EXD3: variants seen among roughly 807,000 people sequenced by gnomAD.
EXD3 encodes the protein exonuclease 3'-5' domain containing 3, also known as exonuclease mut-7 homolog.
In EXD3, 92 loss-of-function variants were observed where a neutral mutation model predicts 98.0. The observed-to-expected ratio is 0.94, with a 90% CI of 0.79 to 1.12. EXD3 has a LOEUF of 1.12. Among genes scored for constraint, EXD3 ranks in the 50% most tolerant of loss-of-function variants. The pLI is 0.00. For missense variants in EXD3, 1,222 were observed against 1,191.6 expected (o/e 1.03, Z -0.38); for synonymous variants, 569 against 526.0 (o/e 1.08, Z -1.12).
At chr9:137,350,988 C>T (rs762794466) in intron 14 of EXD3, 50 bp downstream of exon 14, 68 of 1,507,366 alleles carry the variant, frequency 4.5e-5, no homozygotes, top group Non-Finnish European at 5.7e-5. Context: ...AAGCAGCCCT[C>T]GAACCCCAGG....
intron 1 of EXD3, among the ~76,000 whole-genome samples, chr9:137,397,001 C>T (rs1210244031): frequency 2.0e-5 from 3 of 152,230 alleles, no homozygotes; most frequent in Non-Finnish European, 4.4e-5. Context: ...CACACACCTG[C>T]AGGAGGGGCT....
intron 2 of EXD3, among the ~76,000 whole-genome samples, chr9:137,388,351 G>A (rs529281607): frequency 1.5e-4 from 23 of 152,212 alleles, no homozygotes; most frequent in Admixed American, 1.0e-3. Context: ...CGCGCCGGCC[G>A]ACGGGAGGAC....
intron 1 of EXD3, among the ~76,000 whole-genome samples, chr9:137,413,024 C>T (rs540437022): frequency 1.3e-5 from 2 of 152,278 alleles, no homozygotes; most frequent in African/African-American, 4.8e-5. Context: ...CTCGGTAATC[C>T]TCCTGCCTCA....
chr9:137,378,861 G>T (rs1306129621), intron 3 of EXD3, among the ~76,000 whole-genome samples: 1 of 151,564 alleles, frequency 6.6e-6, no homozygotes, highest in Non-Finnish European at 1.5e-5. Flanking sequence ...GGGCGTCTGT[G>T]TGAGGGGTAC....
intron 2 of EXD3, among the ~76,000 whole-genome samples, chr9:137,386,329 A>T (rs1446775471): frequency 6.6e-6 from 1 of 152,024 alleles, no homozygotes; most frequent in Non-Finnish European, 1.5e-5. Flanking sequence ...TGTCCTTATT[A>T]TTCTTTTTAA....
At chr9:137,316,778 C>T (rs1055928497) in intron 19 of EXD3, among the ~76,000 whole-genome samples, 1 of 152,104 alleles carries the variant, frequency 6.6e-6, no homozygotes, top group Non-Finnish European at 1.5e-5. Context: ...GAGGAGGCCG[C>T]GGTGGGAGCC....
Position 137,351,046 on chromosome 9 carries a change from G to T in EXD3, c.1486C>A (p.His496Asn). 6.4e-7 allele frequency: 1 copy of T among 1,561,938 alleles called. No homozygotes were observed. Among genetic ancestry groups the T allele is most frequent in the Non-Finnish European group, 8.7e-7 (1 of 1,153,946 alleles). Residue 496 changes from histidine to asparagine, a missense_variant, in exon 14 of 22, where the codon CAC becomes AAC. Physicochemically the swap from His to Asn is moderately conservative, Grantham distance 68. Transcript: ENST00000340951. ...ILGGMDLLLV[H>N]RQMRVASVPA... ...GCTCAGTGGGTGCCCACCTGTCTGTGCACCAGCAGCAGGTCCATGCCGCCC... is the reference window on the plus strand; with the variant it reads ...GCTCAGTGGGTGCCCACCTGTCTGTTCACCAGCAGCAGGTCCATGCCGCCC...
chr9:137,353,334 C>G (rs1460469488), intron 10 of EXD3: 20 of 985,422 alleles, frequency 2.0e-5, no homozygotes, highest in Non-Finnish European at 2.3e-5. Context: ...CATCTGCCCC[C>G]ACCCCGGGTC....
chr9:137,383,551 C>T (rs567429968), intron 2 of EXD3, among the ~76,000 whole-genome samples, 174 bp from the exon 3 acceptor site: 14 of 152,320 alleles, frequency 9.2e-5, no homozygotes, highest in Middle Eastern at 3.4e-3. Context: ...CTGCCAGCTG[C>T]GGCAGCACCC....
At chr9:137,355,492 T>TGGAGGAAGGAGGAAGGAGGAAGGAGGAA (rs1834624058) in intron 8 of EXD3, among the ~76,000 whole-genome samples, 1 of 30,780 alleles carries the variant, frequency 3.2e-5, no homozygotes, top group Non-Finnish European at 6.7e-5. Context: ...GGAAGGAGGA[T>TGGAGGAAGGAGGAAGGAGGAAGGAGGAA]GGAGGAAGGA....
intron 17 of EXD3, among the ~76,000 whole-genome samples, chr9:137,344,019 G>A (rs1348151881): frequency 6.8e-6 from 1 of 147,342 alleles, no homozygotes; most frequent in East Asian, 2.0e-4. Context: ...AGTCTCCCAA[G>A]TAGCTGGGAC....
intron 2 of EXD3, among the ~76,000 whole-genome samples, chr9:137,387,169 G>A (rs868100394): frequency 8.3e-6 from 1 of 120,896 alleles, no homozygotes; most frequent in African/African-American, 4.3e-5. Flanking sequence ...CCCGCTCCCT[G>A]CCTGGCCCCC....
intron 5 of EXD3, among the ~76,000 whole-genome samples, chr9:137,369,918 C>T (rs1332557784): frequency 6.6e-6 from 1 of 152,270 alleles, no homozygotes; most frequent in Non-Finnish European, 1.5e-5. Flanking sequence ...CACCCGGGGC[C>T]TCTTGAGGCC....
chr9:137,355,495 AG>A (rs1834625307), intron 8 of EXD3, among the ~76,000 whole-genome samples: 2 of 68,290 alleles, frequency 2.9e-5, no homozygotes, highest in African/African-American at 6.0e-5. Flanking sequence ...AGGAGGATGG[AG>A]GAAGGAGGAA....
intron 5 of EXD3, among the ~76,000 whole-genome samples, chr9:137,370,409 G>A (rs916497544): frequency 1.3e-5 from 2 of 152,074 alleles, no homozygotes. Context: ...CCCCGTGGGA[G>A]GAACGAGCCC....
chr9:137,369,953 C>A (rs981796020), intron 5 of EXD3, among the ~76,000 whole-genome samples: 1 of 152,226 alleles, frequency 6.6e-6, no homozygotes, highest in Non-Finnish European at 1.5e-5. Flanking sequence ...GACATGCAGG[C>A]GTCCTGGGGC....
chr9:137,409,439 C>T (rs531519456), intron 1 of EXD3, among the ~76,000 whole-genome samples: 4 of 152,314 alleles, frequency 2.6e-5, no homozygotes, highest in East Asian at 3.9e-4. Flanking sequence ...AAAACTGGCC[C>T]GGCGTGGTGG....
intron 3 of EXD3, among the ~76,000 whole-genome samples, chr9:137,376,651 C>T (rs949081103): frequency 2.0e-5 from 3 of 152,018 alleles, no homozygotes; most frequent in African/African-American, 7.2e-5. Context: ...CTCTTTTGGC[C>T]GGGGATGGTG....
intron 17 of EXD3, among the ~76,000 whole-genome samples, chr9:137,329,826 A>G (rs867947979): frequency 2.9e-5 from 4 of 139,100 alleles, no homozygotes; most frequent in African/African-American, 2.8e-5. Context: ...ACTACACGGG[A>G]CTACACAGGA....
Sources: gnomAD v4.1 joint callset for allele counts (sites outside exome capture counted in the v4.1 genomes callset) on GRCh38, gnomAD v4.1.1 for gene constraint, MANE v1.5 for transcripts, NCBI Gene and HGNC (gene_info 2026-07-23, HGNC 2026-07-21) for gene names.